The following TRPC4 variants were observed in gnomAD, a reference collection of about 807,000 sequenced individuals.
The protein encoded by TRPC4 is transient receptor potential cation channel subfamily C member 4, also known as short transient receptor potential channel 4.
A neutral mutation model predicts 99.4 loss-of-function variants in TRPC4; 49 were observed. The ratio of observed to expected loss-of-function variants is 0.49; its 90% CI spans 0.39 to 0.63. The LOEUF (loss-of-function observed/expected upper bound fraction) is 0.63, where lower values mean the gene tolerates loss of function less well. Among genes scored for constraint, TRPC4 ranks in the 20% least tolerant of loss-of-function variants. The pLI is 0.00. For synonymous variants in TRPC4, 454 were observed against 425.9 expected (o/e 1.07, Z -0.81); for missense variants, 898 against 1,152.9 (o/e 0.78, Z 3.20).
At chr13:37,720,342 G>A (rs17056501) in intron 3 of TRPC4, among the ~76,000 whole-genome samples, 3 of 151,924 alleles carry the variant, frequency 2.0e-5, no homozygotes, top group Non-Finnish European at 4.4e-5. Flanking sequence ...AGCTATCTAG[G>A]GCAGATCCTA....
chr13:37,747,277 T>C (rs576356820), intron 2 of TRPC4, among the ~76,000 whole-genome samples: 1 of 152,282 alleles, frequency 6.6e-6, no homozygotes, highest in South Asian at 2.1e-4. Flanking sequence ...TCACATTTTA[T>C]GGATGTAGTT....
intron 1 of TRPC4, among the ~76,000 whole-genome samples, chr13:37,857,988 A>G (rs1959187949): frequency 1.3e-5 from 2 of 151,782 alleles, no homozygotes; most frequent in Admixed American, 6.6e-5. Context: ...AACCCATAGA[A>G]TGGGAGAAAA....
At chr13:37,723,658 T>C (rs1954945268) in intron 3 of TRPC4, among the ~76,000 whole-genome samples, 1 of 152,172 alleles carries the variant, frequency 6.6e-6, no homozygotes, top group African/African-American at 2.4e-5. Context: ...TAAGCAATCC[T>C]CTGCCTCAGC....
chr13:37,737,826 T>A (rs1361098721), intron 3 of TRPC4, among the ~76,000 whole-genome samples: 2 of 152,158 alleles, frequency 1.3e-5, no homozygotes, highest in Non-Finnish European at 2.9e-5. Context: ...AGAGATGAGT[T>A]ACTTGATACC....
chr13:37,645,447 T>C (rs1566064204), intron 8 of TRPC4, among the ~76,000 whole-genome samples: 2 of 152,206 alleles, frequency 1.3e-5, no homozygotes, highest in African/African-American at 4.8e-5. Flanking sequence ...GCTCATTTCA[T>C]GTAGCTAGTC....
At chr13:37,647,732 G>C (rs8002313) in intron 8 of TRPC4, among the ~76,000 whole-genome samples, 56,202 of 152,104 alleles carry the variant, frequency 0.37, 10,946 homozygotes, top group Non-Finnish European at 0.43. Flanking sequence ...CACAAAGTGA[G>C]TGTCACTGTT....
In TRPC4 at chr13:37,765,517, C is replaced by A. The variant is rs566925707; in HGVS notation, c.378+17439G>T. Among the ~76,000 whole-genome samples, 31 of 151,422 alleles carry A rather than the reference C, an allele frequency of 2.0e-4. No homozygotes were observed. In the South Asian group the frequency reaches 6.3e-3, roughly 31 times the overall value. ...ATAGATTTTAAAGTCTTTTGAACAT[C>A]ATTATAATAGTTACACAATATTTTA... On this transcript the variant is annotated intron_variant, in intron 2 of 10. Coordinates refer to ENST00000379705, the MANE Select transcript of TRPC4 (RefSeq NM_016179.4).
At chr13:37,785,578 G>T (rs1308266371) in intron 1 of TRPC4, among the ~76,000 whole-genome samples, 2 of 151,942 alleles carry the variant, frequency 1.3e-5, no homozygotes, top group African/African-American at 4.8e-5. Flanking sequence ...CCAAAATACA[G>T]GCTAAAATGA....
chr13:37,775,970 A>G (rs978427766), intron 2 of TRPC4, among the ~76,000 whole-genome samples: 7 of 152,000 alleles, frequency 4.6e-5, no homozygotes, highest in Non-Finnish European at 8.8e-5. Flanking sequence ...AACCATGTCA[A>G]TGAGACTAAG....
chr13:37,813,587 A>T (rs61958362), intron 1 of TRPC4, among the ~76,000 whole-genome samples: 43,807 of 151,692 alleles, frequency 0.29, 6,538 homozygotes, highest in East Asian at 0.43. Flanking sequence ...AAAAACATTA[A>T]AAGTGTACAA....
chr13:37,861,050 T>C (rs1209535191), intron 1 of TRPC4, among the ~76,000 whole-genome samples: 3 of 151,558 alleles, frequency 2.0e-5, no homozygotes, highest in Non-Finnish European at 4.4e-5. Flanking sequence ...AATCCTTTTA[T>C]ATATCAAAGA....
At chr13:37,858,755 G>T (rs1158220965) in intron 1 of TRPC4, among the ~76,000 whole-genome samples, 1 of 151,486 alleles carries the variant, frequency 6.6e-6, no homozygotes, top group Non-Finnish European at 1.5e-5. Flanking sequence ...TGGAGATAAA[G>T]AGTAGAAGGA....
intron 3 of TRPC4, among the ~76,000 whole-genome samples, chr13:37,703,350 C>T (rs1954163013): frequency 6.6e-6 from 1 of 152,070 alleles, no homozygotes; most frequent in African/African-American, 2.4e-5. Flanking sequence ...CAACGTCTAC[C>T]TAGATGCAAC....
intron 1 of TRPC4, among the ~76,000 whole-genome samples, chr13:37,814,616 TG>T: frequency 6.6e-6 from 1 of 151,926 alleles, no homozygotes; most frequent in Middle Eastern, 3.4e-3. Flanking sequence ...CTTGTAGTCT[TG>T]CATTCTTTCA....
chr13:37,832,776 T>C (rs1958459284), intron 1 of TRPC4, among the ~76,000 whole-genome samples: 1 of 152,182 alleles, frequency 6.6e-6, no homozygotes, highest in Non-Finnish European at 1.5e-5. Flanking sequence ...TTACAAAATA[T>C]ATGCTTTAAA....
chr13:37,734,071 A>G (rs537242779), intron 3 of TRPC4, among the ~76,000 whole-genome samples: 2 of 152,224 alleles, frequency 1.3e-5, no homozygotes, highest in East Asian at 1.9e-4. Context: ...TGAGGACAGA[A>G]AGGTCACTGA....
In TRPC4 at chr13:37,635,322, T is replaced by C. The variant is rs943008645; in HGVS notation, c.*1581A>G. Among the ~76,000 whole-genome samples, 130 of 152,230 alleles carry C rather than the reference T, an allele frequency of 8.5e-4. No homozygotes were observed. The highest frequency in any genetic ancestry group is 1.6e-3 in the Non-Finnish European group (109 of 67,998). On this transcript the variant is annotated 3_prime_UTR_variant, in exon 11 of 11. Transcript: ENST00000379705. ...CAGCTCCATCATGAGCTGTATTACC[T>C]TAGCCAGTTAGTGCTGGTCTCAGTT... is the stretch of plus-strand genomic sequence containing the variant.
intron 2 of TRPC4, among the ~76,000 whole-genome samples, chr13:37,758,254 G>A (rs958509047): frequency 2.0e-5 from 3 of 151,694 alleles, no homozygotes; most frequent in African/African-American, 7.3e-5. Flanking sequence ...TTTCTGGTAA[G>A]GACACCACTA....
chr13:37,671,522 A>G (rs1952839368), intron 5 of TRPC4, among the ~76,000 whole-genome samples: 1 of 152,138 alleles, frequency 6.6e-6, no homozygotes, highest in East Asian at 1.9e-4. Context: ...AAGATCTTAC[A>G]AAAGGCAAGT....
Sources: allele counts gnomAD v4.1 joint callset (sites outside exome capture counted in the v4.1 genomes callset), GRCh38; gene constraint gnomAD v4.1.1; transcripts MANE v1.5; gene names NCBI Gene and HGNC (gene_info 2026-07-23, HGNC 2026-07-21).